Variants in COPA observed in about 807,000 individuals in gnomAD.
COPA encodes the protein coat protein complex I subunit alpha.
COPA carries 10 observed loss-of-function variants against 158.7 expected under a neutral mutation model. The observed-to-expected ratio is 0.06, with a 90% CI of 0.04 to 0.11. The LOEUF (loss-of-function observed/expected upper bound fraction) is 0.11. COPA is among the 10% of genes least tolerant of loss of function. COPA has a pLI of 1.00. For synonymous variants in COPA, 462 were observed against 542.8 expected (o/e 0.85, Z 2.07); for missense variants, 1,065 against 1,536.7 (o/e 0.69, Z 5.13).
chr1:160,338,949 C>G (rs1270725502), intron 3 of COPA, among the ~76,000 whole-genome samples: 1 of 152,208 alleles, frequency 6.6e-6, no homozygotes, highest in Non-Finnish European at 1.5e-5. Context: ...GACACCTCAA[C>G]TAGACTGTCC....
intron 3 of COPA, among the ~76,000 whole-genome samples, chr1:160,336,235 C>CGGCA (rs1390165796): frequency 2.6e-5 from 4 of 151,108 alleles, no homozygotes; most frequent in Non-Finnish European, 5.9e-5. Flanking sequence ...TGGGAGGCTG[C>CGGCA]GGCAGCAGGA....
chr1:160,299,381 G>T (rs1399576814), intron 17 of COPA, 117 bp from the exon 18 acceptor site: 9 of 995,508 alleles, frequency 9.0e-6, no homozygotes, highest in East Asian at 7.5e-5. Context: ...TGATATAGAT[G>T]GGAAGTGATT....
chr1:160,297,724 C>A lies in COPA; in HGVS notation c.1999G>T (p.Ala667Ser), dbSNP rs1658460529. 6.2e-7 allele frequency: 1 copy of A among 1,613,898 alleles called. No homozygotes were observed. Among genetic ancestry groups the A allele is most frequent in the South Asian group, 1.1e-5 (1 of 91,076 alleles). Reference protein sequence around the residue: ...NIEIALEAAKALDDKNCWEKL... With the variant: ...NIEIALEAAKSLDDKNCWEKL... The stretch of plus-strand genomic sequence containing the variant: ...TCCCAGCAGTTCTTGTCATCCAGTG[C>A]TTTGGCTGCTTCCAGAGCAATCTAA... Residue 667 changes from alanine (A) to serine (S), a missense_variant, in exon 20 of 33, where the codon GCA (alanine) becomes TCA (serine). Ala to Ser is a moderately conservative substitution (Grantham distance 99). Around this residue, in one of 2 missense-constraint regions of COPA, gnomAD observed 980 missense variants for 1,357.8 expected, o/e 0.72. Transcript: ENST00000241704.
At position 160,289,939 on chromosome 1, in the gene COPA, C is replaced by A. The variant is rs1658167636; in HGVS notation, c.*218G>T. The A allele has an allele frequency of 3.7e-6, 2 of 536,646 alleles. No homozygotes were observed. The highest frequency in any genetic ancestry group is 5.2e-4 in the Middle Eastern group (1 of 1,912). 33.2% of individuals were successfully genotyped at this position (536,646 alleles called of 1,614,324 possible). On this transcript the variant is annotated 3_prime_UTR_variant, in exon 33 of 33. Coordinates refer to ENST00000241704, the MANE Select transcript of COPA (RefSeq NM_004371.4). ...AATAATTAAGCTGGAAAGGCAAGGA[C>A]AATTATGAGCACAACTGTAGTCAAG...
Position 160,332,311 on chromosome 1 carries a change from C to T in COPA, c.496+137G>A, listed in dbSNP as rs1647564562. On this transcript the variant is annotated intron_variant, in intron 6 of 32. Coordinates refer to ENST00000241704, the MANE Select transcript of COPA (RefSeq NM_004371.4). ...AGAACCATCAAAGCAAATTCAACAA[C>T]CTCAGAAACAAAGATGCTATTATAA... is the stretch of plus-strand genomic sequence containing the variant. 1.4e-5 allele frequency: 7 copies of T among 489,280 alleles called. No homozygotes were observed. In the Middle Eastern group the frequency reaches 1.2e-3, roughly 82 times the overall value. The allele number at this position is 489,280 out of a possible 1,614,324, so 30.3% of individuals were successfully genotyped here.
At chr1:160,297,462 G>C (rs773424513) in intron 20 of COPA, 24 bp from the exon 21 acceptor site, 2 of 1,612,936 alleles carry the variant, frequency 1.2e-6, no homozygotes, top group Non-Finnish European at 1.7e-6. Flanking sequence ...GAGACACCAA[G>C]TTAGGTCTTT....
intron 1 of COPA, 97 bp from the exon 2 acceptor site, chr1:160,340,391 T>C (rs1363419789): frequency 1.3e-6 from 1 of 753,384 alleles, no homozygotes; most frequent in Non-Finnish European, 2.2e-6. Context: ...AGGTTAATCC[T>C]AGGTTCATTC....
In COPA at chr1:160,317,522, C is replaced by T. The variant is rs991147327; in HGVS notation, c.707-3397G>A. On this transcript the variant is annotated intron_variant, in intron 8 of 32. Transcript: ENST00000241704. ...GAGATTCACTTCAAAGTGAAAATGA[C>T]AACACATCTCAAGAAACTCAAAGAA... 3.1e-5 allele frequency: 50 copies of T among 1,608,056 alleles called. No homozygotes were observed. The African/African-American group carries it at 6.0e-4, about 19-fold the overall frequency.
At chr1:160,306,318 A>G (rs767090355) in intron 15 of COPA, 36 bp downstream of exon 15, 3 of 1,552,472 alleles carry the variant, frequency 1.9e-6, no homozygotes, top group Non-Finnish European at 2.6e-6. Context: ...CTCCCCAACT[A>G]CAGGGCTGTC....
At chr1:160,341,491 CATT>C in intron 1 of COPA, among the ~76,000 whole-genome samples, 1 of 152,302 alleles carries the variant, frequency 6.6e-6, no homozygotes, top group East Asian at 1.9e-4. Context: ...AGCCTATTTG[CATT>C]ATTACTGCCC....
At chr1:160,296,233 G>C (rs1216568123) in intron 21 of COPA, 84 bp from the exon 22 acceptor site, 1 of 1,132,576 alleles carries the variant, frequency 8.8e-7, no homozygotes. Context: ...TGGCCCCCCA[G>C]TAATCCCTGA....
At chr1:160,296,250 G>A in intron 21 of COPA, 101 bp from the exon 22 acceptor site, 1 of 946,818 alleles carries the variant, frequency 1.1e-6, no homozygotes. Context: ...CTGACTCCTG[G>A]TATTCAAGTT....
intron 8 of COPA, among the ~76,000 whole-genome samples, chr1:160,314,710 G>A (rs1659078589): frequency 6.6e-6 from 1 of 152,044 alleles, no homozygotes; most frequent in Non-Finnish European, 1.5e-5. Flanking sequence ...GTCCTAGTTG[G>A]CCTTTCAATT....
Position 160,290,065 on chromosome 1 carries a change from A to T in COPA, c.*92T>A. The T allele has an allele frequency of 4.4e-6, 5 of 1,123,776 alleles. No homozygotes were observed. In the South Asian group the frequency reaches 5.2e-5, roughly 12 times the overall value. The allele number at this position is 1,123,776 out of a possible 1,614,324, so 69.6% of individuals were successfully genotyped here. On this transcript the variant is annotated 3_prime_UTR_variant, in exon 33 of 33. Transcript: ENST00000241704. Reference sequence around the variant, plus strand: ...GTACAGAGAGCCAGATCTGAAGAGTAGCTGCAGGGGGAAGGTGCTGTTAGA... The same window carrying T: ...GTACAGAGAGCCAGATCTGAAGAGTTGCTGCAGGGGGAAGGTGCTGTTAGA...
chr1:160,324,457 ATT>A (rs36119799), intron 7 of COPA, among the ~76,000 whole-genome samples: 23,307 of 131,734 alleles, frequency 0.18, 4,256 homozygotes, highest in African/African-American at 0.48. Context: ...CGCCCAGCTA[ATT>A]TTTTTTTTTT....
rs1461083153 is a variant in COPA, at chr1:160,290,040, G to A, written c.*117C>T. 3 of 960,040 alleles carry A rather than the reference G, an allele frequency of 3.1e-6. No homozygotes were observed. The Admixed American group carries it at 6.5e-5, about 21-fold the overall frequency. 59.5% of individuals were successfully genotyped at this position (960,040 alleles called of 1,614,324 possible). A position where few individuals can be genotyped will look rare whatever the true frequency, so the allele number is the denominator to read the frequency against. ...AGAGAAAAAGATACTAGGTTTTAGG[G>A]TACAGAGAGCCAGATCTGAAGAGTA... On this transcript the variant is annotated 3_prime_UTR_variant, in exon 33 of 33. Coordinates refer to ENST00000241704, the MANE Select transcript of COPA (RefSeq NM_004371.4).
intron 6 of COPA, among the ~76,000 whole-genome samples, chr1:160,330,045 G>A (rs1001769856): frequency 6.6e-6 from 1 of 152,098 alleles, no homozygotes; most frequent in Non-Finnish European, 1.5e-5. Flanking sequence ...AACCCAGGAG[G>A]TGGAGGTTGT....
In COPA at chr1:160,293,253, AC is replaced by A. The variant is rs751550523; in HGVS notation, c.2755-20del. 5 of 1,614,046 alleles carry A rather than the reference AC, an allele frequency of 3.1e-6. No homozygotes were observed. The highest frequency in any genetic ancestry group is 1.1e-5 in the South Asian group (1 of 91,062). On this transcript the variant is annotated intron_variant, in intron 26 of 32. Transcript: ENST00000241704. ...ACCAGATCTAACAAGAAACAAAAAAACCCAAGCCAAGTGAAACTTTGTCCCT... is the reference window on the plus strand; with the variant it reads ...ACCAGATCTAACAAGAAACAAAAAAACCAAGCCAAGTGAAACTTTGTCCCT...
intron 8 of COPA, among the ~76,000 whole-genome samples, chr1:160,314,911 A>C (rs1023306809): frequency 6.6e-6 from 1 of 152,156 alleles, no homozygotes; most frequent in Non-Finnish European, 1.5e-5. Flanking sequence ...TTCTATGTTC[A>C]TACTCCTCAA....
Sources: allele counts gnomAD v4.1 joint callset (sites outside exome capture counted in the v4.1 genomes callset), GRCh38; gene constraint gnomAD v4.1.1; regional missense constraint gnomAD v4.1.1; transcripts MANE v1.5; gene names NCBI Gene and HGNC (gene_info 2026-07-23, HGNC 2026-07-21).